PIP5K1B: variants seen among roughly 807,000 people sequenced by gnomAD.
PIP5K1B encodes the protein phosphatidylinositol-4-phosphate 5-kinase type 1 beta.
In PIP5K1B, 42 loss-of-function variants were observed where a neutral mutation model predicts 67.0. The observed-to-expected ratio is 0.63, with a 90% CI of 0.49 to 0.81. PIP5K1B has a LOEUF of 0.81. PIP5K1B is among the 30% of genes least tolerant of loss of function. The pLI is 0.00. For synonymous variants in PIP5K1B, 214 were observed against 231.4 expected, an observed-to-expected ratio of 0.92 and a Z score of 0.68; for missense variants, 459 against 646.3, an observed-to-expected ratio of 0.71 and a Z score of 3.14.
intron 2 of PIP5K1B, among the ~76,000 whole-genome samples, chr9:68,816,445 A>G (rs1411878140): frequency 6.6e-6 from 1 of 152,190 alleles, no homozygotes; most frequent in Non-Finnish European, 1.5e-5. Flanking sequence ...ACATGTTTTT[A>G]AAGGCCACAT....
At chr9:68,952,189 G>A (rs557295939) in intron 14 of PIP5K1B, among the ~76,000 whole-genome samples, 2 of 152,162 alleles carry the variant, frequency 1.3e-5, no homozygotes, top group Non-Finnish European at 2.9e-5. Flanking sequence ...TGACTGCCTT[G>A]TTCTTCGGTT....
At chr9:68,839,993 C>A (rs1399366268) in intron 4 of PIP5K1B, among the ~76,000 whole-genome samples, 1 of 152,224 alleles carries the variant, frequency 6.6e-6, no homozygotes, top group Non-Finnish European at 1.5e-5. Flanking sequence ...TCATTTCAAC[C>A]CAGTGCCAAT....
intron 1 of PIP5K1B, among the ~76,000 whole-genome samples, chr9:68,735,438 G>A (rs994578177): frequency 6.8e-6 from 1 of 146,544 alleles, no homozygotes; most frequent in Non-Finnish European, 1.5e-5. Flanking sequence ...TGGGTTATAA[G>A]TTGACCTCCT....
chr9:68,950,039 T>G (rs1039542374), intron 14 of PIP5K1B, among the ~76,000 whole-genome samples: 2 of 152,224 alleles, frequency 1.3e-5, no homozygotes, highest in African/African-American at 4.8e-5. Flanking sequence ...GAGGCAGCTT[T>G]AGGCTAAACT....
intron 15 of PIP5K1B, among the ~76,000 whole-genome samples, chr9:68,993,649 A>G (rs1039532504): frequency 5.9e-5 from 9 of 152,174 alleles, no homozygotes; most frequent in African/African-American, 4.8e-5. Flanking sequence ...TTAAATAGGG[A>G]AAAAAATACA....
At chr9:68,817,182 C>T (rs1438706562) in intron 2 of PIP5K1B, among the ~76,000 whole-genome samples, 1 of 152,166 alleles carries the variant, frequency 6.6e-6, no homozygotes, top group African/African-American at 2.4e-5. Context: ...CGAATTAAAA[C>T]CAGAGATGCC....
intron 1 of PIP5K1B, among the ~76,000 whole-genome samples, chr9:68,738,223 A>T (rs535054269): frequency 6.6e-6 from 1 of 152,358 alleles, no homozygotes; most frequent in Non-Finnish European, 1.5e-5. Context: ...AAATAGGCCA[A>T]CACCAACTAG....
intron 15 of PIP5K1B, among the ~76,000 whole-genome samples, chr9:68,997,763 G>A (rs973641537): frequency 3.9e-5 from 6 of 152,264 alleles, no homozygotes; most frequent in South Asian, 2.1e-4. Context: ...TAAAAGTGAC[G>A]CAAGCTTCAA....
At chr9:68,862,840 G>A (rs1823167192) in intron 4 of PIP5K1B, among the ~76,000 whole-genome samples, 1 of 141,040 alleles carries the variant, frequency 7.1e-6, no homozygotes, top group African/African-American at 2.6e-5. Context: ...TATATATATA[G>A]AAGTGGCTCC....
chr9:68,933,515 T>C lies in PIP5K1B; in HGVS notation c.1202-1375T>C, dbSNP rs73647032. Among the ~76,000 whole-genome samples the C allele has an allele frequency of 5.8e-3, 879 of 152,206 alleles. 13 individuals are homozygous for C. Among genetic ancestry groups the C allele is most frequent in the African/African-American group, 0.02 (828 of 41,538 alleles). On this transcript the variant is annotated intron_variant, in intron 12 of 15. Coordinates refer to ENST00000265382, the MANE Select transcript of PIP5K1B (RefSeq NM_003558.4). The stretch of plus-strand genomic sequence containing the variant: ...CCCTCAGTTTAACCAGAAAACAGAA[T>C]GCTAAAGAACTAGAAAATGAACCAC...
chr9:68,961,067 G>C (rs998711546), intron 14 of PIP5K1B, among the ~76,000 whole-genome samples: 3 of 151,988 alleles, frequency 2.0e-5, no homozygotes, highest in Admixed American at 2.0e-4. Context: ...AATATTAGCC[G>C]GGCGCGGTGG....
At chr9:69,006,314 A>AG in intron 15 of PIP5K1B, among the ~76,000 whole-genome samples, 1 of 152,140 alleles carries the variant, frequency 6.6e-6, no homozygotes, top group African/African-American at 2.4e-5. Context: ...CCTTGTATCT[A>AG]GGGAGGGCTT....
chr9:68,946,875 G>A (rs186144941), intron 14 of PIP5K1B, among the ~76,000 whole-genome samples: 6 of 152,296 alleles, frequency 3.9e-5, no homozygotes, highest in Admixed American at 2.0e-4. Context: ...TGCTCGTCAT[G>A]TGCCTCAGTT....
intron 8 of PIP5K1B, among the ~76,000 whole-genome samples, chr9:68,905,328 A>G (rs1825555587): frequency 6.6e-6 from 1 of 152,152 alleles, no homozygotes; most frequent in African/African-American, 2.4e-5. Flanking sequence ...ATGTATCTGG[A>G]AAGGCTTTGA....
At chr9:68,927,506 C>T (rs1411837462) in intron 12 of PIP5K1B, among the ~76,000 whole-genome samples, 1 of 152,112 alleles carries the variant, frequency 6.6e-6, no homozygotes, top group African/African-American at 2.4e-5. Flanking sequence ...TTTTGATTTG[C>T]ATTTCTCTAA....
intron 14 of PIP5K1B, among the ~76,000 whole-genome samples, chr9:68,983,478 G>A (rs1435629552): frequency 6.6e-6 from 1 of 151,716 alleles, no homozygotes; most frequent in Non-Finnish European, 1.5e-5. Context: ...TTTCTCCTTA[G>A]CACTTTTGAC....
At chr9:68,905,072 G>A (rs530717160) in intron 8 of PIP5K1B, among the ~76,000 whole-genome samples, 1 of 152,048 alleles carries the variant, frequency 6.6e-6, no homozygotes, top group Admixed American at 6.6e-5. Context: ...TAGAGTTTCT[G>A]GCTTTTTTGT....
chr9:68,904,425 T>C (rs935384108), intron 8 of PIP5K1B, among the ~76,000 whole-genome samples: 1 of 152,184 alleles, frequency 6.6e-6, no homozygotes, highest in African/African-American at 2.4e-5. Context: ...TCTTGCAGCC[T>C]ATTTCAAGGA....
intron 14 of PIP5K1B, among the ~76,000 whole-genome samples, chr9:68,952,587 T>C (rs1489408253): frequency 6.6e-6 from 1 of 152,230 alleles, no homozygotes; most frequent in Non-Finnish European, 1.5e-5. Flanking sequence ...ATATTTGAGA[T>C]CTTGCATGTC....
Sources: allele counts gnomAD v4.1 joint callset (sites outside exome capture counted in the v4.1 genomes callset), GRCh38; gene constraint gnomAD v4.1.1; transcripts MANE v1.5; gene names NCBI Gene and HGNC (gene_info 2026-07-23, HGNC 2026-07-21).